The following MICAL2 variants were observed in gnomAD, a reference collection of about 807,000 sequenced individuals.
The protein encoded by MICAL2 is microtubule associated monooxygenase, calponin and LIM domain containing 2, also known as [F-actin]-monooxygenase MICAL2.
A neutral mutation model predicts 127.3 loss-of-function variants in MICAL2; 77 were observed. The ratio of observed to expected loss-of-function variants is 0.60; its 90% CI spans 0.50 to 0.73. The LOEUF is 0.73. MICAL2 is among the 30% of genes least tolerant of loss of function. The pLI is 0.00. For missense variants in MICAL2, 1,351 were observed against 1,434.4 expected, an observed-to-expected ratio of 0.94 and a Z score of 0.94; for synonymous variants, 570 against 551.1, an observed-to-expected ratio of 1.03 and a Z score of -0.48.
At chr11:12,287,372 T>A (rs984661948), downstream of MICAL2, 11 of 364,832 alleles carry the variant, frequency 3.0e-5, no homozygotes, top group African/African-American at 2.1e-4. Context: ...GATCTTCCCA[T>A]CCCCCTCCAC....
intron 26 of MICAL2, chr11:12,260,331 T>A (rs932338421): frequency 1.4e-5 from 20 of 1,413,258 alleles, no homozygotes; most frequent in Non-Finnish European, 1.7e-5. Flanking sequence ...CCTGGCCTTA[T>A]CAGGGTGAAC....
At chr11:12,197,835 G>A (rs1590300527) in intron 3 of MICAL2, 1 of 152,384 alleles carries the variant, frequency 6.6e-6, no homozygotes, top group East Asian at 1.9e-4. Flanking sequence ...ACTGGCTCAG[G>A]ATGGAAGGGA....
At chr11:12,307,052 G>T (rs1169891429) in intron 29 of MICAL2, among the ~76,000 whole-genome samples, 1 of 152,176 alleles carries the variant, frequency 6.6e-6, no homozygotes, top group Non-Finnish European at 1.5e-5. Flanking sequence ...TTTCCAAAGT[G>T]ACATGCCATA....
intron 29 of MICAL2, chr11:12,308,290 AGAATTAGCTTATC>A (rs1174257113): frequency 6.6e-6 from 1 of 152,202 alleles, no homozygotes; most frequent in Non-Finnish European, 1.5e-5. Context: ...TATGAATTTT[AGAATTAGCTTATC>A]AGTTTCTACC....
intron 2 of MICAL2, among the ~76,000 whole-genome samples, chr11:12,157,121 T>G (rs1378008715): frequency 6.6e-6 from 1 of 152,258 alleles, no homozygotes; most frequent in African/African-American, 2.4e-5. Flanking sequence ...TTCTGCCTAG[T>G]GTCCACCCCC....
chr11:12,244,672 T>C (rs956391428), intron 21 of MICAL2, among the ~76,000 whole-genome samples: 2 of 152,096 alleles, frequency 1.3e-5, no homozygotes, highest in African/African-American at 4.8e-5. Flanking sequence ...GTGTTGAAGG[T>C]TCCATGGGGG....
intron 1 of MICAL2, among the ~76,000 whole-genome samples, chr11:12,127,727 G>C (rs1016478711): frequency 1.3e-5 from 2 of 152,282 alleles, no homozygotes. Context: ...GAGTCTTTGA[G>C]TGCTCTTGAG....
chr11:12,304,404 G>A (rs1864084531), intron 29 of MICAL2, among the ~76,000 whole-genome samples: 1 of 152,132 alleles, frequency 6.6e-6, no homozygotes, highest in Non-Finnish European at 1.5e-5. Context: ...GCTGAGGCGG[G>A]CAGATCACCT....
At chr11:12,317,550 T>A (rs542709362) in intron 29 of MICAL2, among the ~76,000 whole-genome samples, 2 of 152,246 alleles carry the variant, frequency 1.3e-5, no homozygotes, top group African/African-American at 4.8e-5. Flanking sequence ...CCCAGCACTT[T>A]GGGAGGCCGA....
chr11:12,269,397 A>G (rs1475511514), intron 24 of MICAL2, among the ~76,000 whole-genome samples: 1 of 152,246 alleles, frequency 6.6e-6, no homozygotes, highest in Admixed American at 6.5e-5. Flanking sequence ...GGAAGAAAAG[A>G]AGCAGGTTCC....
chr11:12,319,009 G>A (rs1864261754), intron 29 of MICAL2, among the ~76,000 whole-genome samples: 1 of 152,144 alleles, frequency 6.6e-6, no homozygotes, highest in Non-Finnish European at 1.5e-5. Context: ...CCACTTCGAT[G>A]ATGTGATAAC....
intron 8 of MICAL2, among the ~76,000 whole-genome samples, chr11:12,217,133 C>A (rs1565181472): frequency 6.6e-6 from 1 of 152,174 alleles, no homozygotes; most frequent in African/African-American, 2.4e-5. Context: ...CCTTCCAGAG[C>A]CCCTGTAGTT....
chr11:12,150,419 C>A (rs912823768), intron 2 of MICAL2, among the ~76,000 whole-genome samples: 19 of 151,634 alleles, frequency 1.3e-4, no homozygotes, highest in African/African-American at 3.6e-4. Context: ...AGAGTGAGAT[C>A]CTGTCTGAAA....
chr11:12,309,628 A>G (rs1157124249), intron 29 of MICAL2, among the ~76,000 whole-genome samples: 1 of 152,134 alleles, frequency 6.6e-6, no homozygotes, highest in African/African-American at 2.4e-5. Context: ...CTGCTGCAAT[A>G]AATGTGGGAA....
chr11:12,249,197 C>T lies in MICAL2; in HGVS notation c.2798C>T (p.Pro933Leu), dbSNP rs1369462861. The T allele has an allele frequency of 3.1e-6, 5 of 1,613,516 alleles. No individual in the cohort carries two copies. The highest frequency in any genetic ancestry group is 4.2e-6 in the Non-Finnish European group (5 of 1,179,634). The change falls in exon 22 of 28, where the codon CCT becomes CTT. Residue 933 changes from proline (P) to leucine (L), a missense_variant. Around this residue, in one of 2 missense-constraint regions of MICAL2, gnomAD observed 752 missense variants for 719.4 expected, o/e 1.05. Coordinates refer to ENST00000683283, the MANE Select transcript of MICAL2 (RefSeq NM_001282663.2). The stretch of plus-strand genomic sequence containing the variant: ...CTCTTTCTAAAGGAAAAGAAGTCAC[C>T]TTCAGGGTTCCATTTTCATCCCAGC... Reference protein sequence around the residue: ...ASPARKEKKSPSGFHFHPSHL... With the variant: ...ASPARKEKKSLSGFHFHPSHL...
downstream of MICAL2, chr11:12,293,507 T>C (rs1356312424): frequency 2.0e-6 from 3 of 1,525,798 alleles, no homozygotes; most frequent in African/African-American, 2.8e-5. Context: ...TTTCATCATA[T>C]AAATAAATGA....
intron 1 of MICAL2, among the ~76,000 whole-genome samples, chr11:12,118,012 A>G (rs1378959839): frequency 6.6e-6 from 1 of 152,154 alleles, no homozygotes; most frequent in Non-Finnish European, 1.5e-5. Flanking sequence ...TCCCGGCCAC[A>G]TGCCTGGAGT....
chr11:12,224,524 G>C (rs1243995170), intron 12 of MICAL2, 149 bp from the exon 13 acceptor site: 1 of 958,548 alleles, frequency 1.0e-6, no homozygotes, highest in Admixed American at 2.6e-5. Context: ...TCAGGGAGCT[G>C]CACCCGTGCC....
chr11:12,259,681 G>C, intron 25 of MICAL2, 114 bp from the exon 26 acceptor site: 1 of 945,016 alleles, frequency 1.1e-6, no homozygotes, highest in East Asian at 2.8e-5. Flanking sequence ...TGAGATTATT[G>C]TGGGGGCTGG....
Sources: allele counts gnomAD v4.1 joint callset (sites outside exome capture counted in the v4.1 genomes callset), GRCh38; gene constraint gnomAD v4.1.1; regional missense constraint gnomAD v4.1.1; transcripts MANE v1.5; gene names NCBI Gene and HGNC (gene_info 2026-07-23, HGNC 2026-07-21).